Variants in ATP2B2 observed in about 807,000 individuals in gnomAD.
ATP2B2 encodes the protein plasma membrane calcium-transporting ATPase 2.
ATP2B2 carries 15 observed loss-of-function variants against 120.0 expected under a neutral mutation model. The ratio of observed to expected loss-of-function variants is 0.12; its 90% confidence interval spans 0.08 to 0.19. The LOEUF (loss-of-function observed/expected upper bound fraction) is 0.19. Ranked by LOEUF, ATP2B2 falls within the 10% of genes least tolerant of loss-of-function variation. The pLI, the probability that ATP2B2 is intolerant of heterozygous loss-of-function variation, is 1.00. For missense variants in ATP2B2, 1,045 were observed against 1,719.8 expected, an observed-to-expected ratio of 0.61 and a Z score of 6.94; for synonymous variants, 694 against 700.3, an observed-to-expected ratio of 0.99 and a Z score of 0.14.
chr3:10,561,813 G>A (rs1212330563), intron 2 of ATP2B2, among the ~76,000 whole-genome samples: 1 of 152,174 alleles, frequency 6.6e-6, no homozygotes, highest in Non-Finnish European at 1.5e-5. Context: ...CCAGTCATGT[G>A]GAACTGTAAG....
At chr3:10,386,183 G>T (rs1019758738) in intron 7 of ATP2B2, among the ~76,000 whole-genome samples, 2 of 152,176 alleles carry the variant, frequency 1.3e-5, no homozygotes, top group Non-Finnish European at 2.9e-5. Context: ...CTATGATGGT[G>T]AGCAAGCTTT....
intron 1 of ATP2B2, among the ~76,000 whole-genome samples, chr3:10,668,399 A>T (rs2071003674): frequency 6.6e-6 from 1 of 151,974 alleles, no homozygotes; most frequent in Non-Finnish European, 1.5e-5. Flanking sequence ...AAATCCTGTG[A>T]CTCTACCAGG....
At chr3:10,431,473 T>C (rs957284788) in intron 2 of ATP2B2, among the ~76,000 whole-genome samples, 1 of 152,190 alleles carries the variant, frequency 6.6e-6, no homozygotes, top group Non-Finnish European at 1.5e-5. Flanking sequence ...CGACTTGCTG[T>C]GGGCTCAGAC....
At chr3:10,401,123 T>G in intron 4 of ATP2B2, 45 bp from the exon 5 acceptor site, 1 of 1,610,402 alleles carries the variant, frequency 6.2e-7, no homozygotes, top group South Asian at 1.1e-5. Flanking sequence ...CTCAGGTGAC[T>G]AGAGGGCTGG....
intron 3 of ATP2B2, among the ~76,000 whole-genome samples, chr3:10,410,320 G>A (rs1269872048): frequency 1.3e-5 from 2 of 152,154 alleles, no homozygotes; most frequent in African/African-American, 4.8e-5. Context: ...GCTACCTCAG[G>A]GGGTTGTCAG....
At position 10,375,775 on chromosome 3, in the gene ATP2B2, T is replaced by C. The variant is rs1269932663; in HGVS notation, c.1202-131A>G. 5 of 789,384 alleles carry C rather than the reference T, an allele frequency of 6.3e-6. No homozygotes were observed. Among genetic ancestry groups the C allele is most frequent in the Non-Finnish European group, 4.3e-6 (2 of 464,420 alleles). 48.9% of individuals were successfully genotyped at this position (789,384 alleles called of 1,614,324 possible). On this transcript the variant is annotated intron_variant, in intron 10 of 22. Coordinates refer to ENST00000360273, the MANE Select transcript of ATP2B2 (RefSeq NM_001001331.4). This position sits in a 1 kb window ranked among gnomAD's most constrained non-coding sequence, Gnocchi z 4.2. Reference sequence around the variant, plus strand: ...CTCACCTCCCAGCTCTGCCACTCCTTGCTTTATGACCTGTGGCAAGTTCTT... The same window carrying C: ...CTCACCTCCCAGCTCTGCCACTCCTCGCTTTATGACCTGTGGCAAGTTCTT...
intron 2 of ATP2B2, among the ~76,000 whole-genome samples, chr3:10,548,204 G>A (rs553719060): frequency 3.3e-5 from 5 of 152,308 alleles, no homozygotes; most frequent in Non-Finnish European, 5.9e-5. Context: ...CACTCATAAG[G>A]GGCTTAATCT....
intron 1 of ATP2B2, among the ~76,000 whole-genome samples, chr3:10,630,255 C>A (rs965473275): frequency 6.6e-6 from 1 of 152,116 alleles, no homozygotes; most frequent in Non-Finnish European, 1.5e-5. Flanking sequence ...CAGATTATTT[C>A]ATCACTTAAG....
intron 3 of ATP2B2, among the ~76,000 whole-genome samples, chr3:10,405,482 G>A (rs945816879): frequency 6.6e-6 from 1 of 152,156 alleles, no homozygotes; most frequent in Non-Finnish European, 1.5e-5. Context: ...GAAGCTGTCC[G>A]ACCCTAGGAA....
intron 2 of ATP2B2, among the ~76,000 whole-genome samples, chr3:10,447,521 G>A (rs1384252950): frequency 6.6e-6 from 1 of 152,184 alleles, no homozygotes; most frequent in Non-Finnish European, 1.5e-5. Context: ...TCTGAGAGAG[G>A]GGCCACAGTG....
intron 1 of ATP2B2, among the ~76,000 whole-genome samples, chr3:10,694,176 T>C (rs554392570): frequency 6.6e-6 from 1 of 152,368 alleles, no homozygotes; most frequent in Admixed American, 6.5e-5. Flanking sequence ...CCCATCTTTG[T>C]ATGTGTCTGT....
At chr3:10,480,290 C>T (rs564848748) in intron 1 of ATP2B2, among the ~76,000 whole-genome samples, 30 of 152,284 alleles carry the variant, frequency 2.0e-4, no homozygotes, top group South Asian at 8.3e-4. Context: ...CGACCGACAG[C>T]GTTGCTGGAT....
At chr3:10,517,989 C>G (rs192717399) in intron 3 of ATP2B2, among the ~76,000 whole-genome samples, 3 of 142,306 alleles carry the variant, frequency 2.1e-5, no homozygotes, top group Non-Finnish European at 4.6e-5. Context: ...CACATTTCAC[C>G]TTTGCCAGTG....
At position 10,614,496 on chromosome 3, in the gene ATP2B2, G is replaced by C. The variant is rs568277928; in HGVS notation, c.-415+5421C>G. ...GATGCTCTGAAAGCACAATGCGCCAGGTCATTTCCTTCAAAAATCACAAGA... is the reference window on the plus strand; with the variant it reads ...GATGCTCTGAAAGCACAATGCGCCACGTCATTTCCTTCAAAAATCACAAGA... On this transcript the variant is annotated intron_variant, in intron 2 of 21. Coordinates refer to the ATP2B2 transcript ENST00000646379. Among the ~76,000 whole-genome samples the C allele has an allele frequency of 3.9e-5, 6 of 152,294 alleles. No homozygotes were observed. In the East Asian group the frequency reaches 1.2e-3, roughly 29 times the overall value.
intron 3 of ATP2B2, among the ~76,000 whole-genome samples, chr3:10,512,464 G>GCGCGCACACACACA (rs749056818): frequency 7.2e-4 from 99 of 137,014 alleles, no homozygotes; most frequent in South Asian, 4.2e-3. Flanking sequence ...AAGTGTGTGC[G>GCGCGCACACACACA]CACACACACA....
chr3:10,584,379 C>T (rs2068459895), intron 2 of ATP2B2, among the ~76,000 whole-genome samples: 1 of 152,168 alleles, frequency 6.6e-6, no homozygotes, highest in Non-Finnish European at 1.5e-5. Context: ...ACCTTGGGAA[C>T]TTTCTTGTTC....
intron 1 of ATP2B2, among the ~76,000 whole-genome samples, chr3:10,473,588 A>G (rs1429366132): frequency 1.3e-5 from 2 of 152,220 alleles, no homozygotes; most frequent in East Asian, 3.8e-4. Flanking sequence ...CCAAGATTGC[A>G]CCACTGCACT....
rs577371010 is a variant in ATP2B2, at chr3:10,533,713, A to G, written c.-320+326T>C. Among the ~76,000 whole-genome samples the G allele has an allele frequency of 1.7e-4, 26 of 152,338 alleles. 2 individuals are homozygous for G. The South Asian group carries it at 5.2e-3, about 30-fold the overall frequency. On this transcript the variant is annotated intron_variant, in intron 3 of 21. Coordinates refer to the ATP2B2 transcript ENST00000646379. ...CGGTCTATCCTCCCAGGGCAGAGGC[A>G]GTGTCAGATCCGCCTGGGCTCCCCA...
intron 2 of ATP2B2, among the ~76,000 whole-genome samples, chr3:10,417,410 C>G (rs1268220399): frequency 6.6e-6 from 1 of 152,180 alleles, no homozygotes. Flanking sequence ...AATGGGTGAG[C>G]TGAGGATGGA....
Sources: gnomAD v4.1 joint callset for allele counts (sites outside exome capture counted in the v4.1 genomes callset) on GRCh38, gnomAD v4.1.1 for gene constraint, Gnocchi (gnomAD v3.1) non-coding constraint, MANE v1.5 for transcripts, NCBI Gene and HGNC (gene_info 2026-07-23, HGNC 2026-07-21) for gene names.